Variants in RAB3C observed in about 807,000 individuals in gnomAD.
RAB3C encodes the protein RAB3C, member RAS oncogene family, also known as ras-related protein Rab-3C.
In RAB3C, 17 loss-of-function variants were observed where a neutral mutation model predicts 26.4. The ratio of observed to expected loss-of-function variants is 0.64; its 90% CI spans 0.44 to 0.97. The LOEUF (loss-of-function observed/expected upper bound fraction) is 0.97. Ranked by LOEUF, RAB3C falls within the 50% of genes least tolerant of loss-of-function variation. The pLI is 0.00. For synonymous variants in RAB3C, 91 were observed against 95.9 expected (o/e 0.95, Z 0.30); for missense variants, 242 against 281.9 (o/e 0.86, Z 1.01).
intron 2 of RAB3C, among the ~76,000 whole-genome samples, chr5:58,697,450 AGAGCT>A (rs967919751): frequency 6.6e-6 from 1 of 152,184 alleles, no homozygotes; most frequent in African/African-American, 2.4e-5. Context: ...TGCTCGTTGC[AGAGCT>A]GAGTTCAGGT....
intron 2 of RAB3C, among the ~76,000 whole-genome samples, chr5:58,695,156 C>T (rs536295057): frequency 1.3e-5 from 2 of 152,230 alleles, no homozygotes; most frequent in East Asian, 3.9e-4. Flanking sequence ...TATGGCTAGC[C>T]AGTTTTCCCA....
chr5:58,743,787 T>G (rs1390682701), intron 3 of RAB3C, among the ~76,000 whole-genome samples: 1 of 152,188 alleles, frequency 6.6e-6, no homozygotes, highest in Non-Finnish European at 1.5e-5. Context: ...CAATGTGAGG[T>G]CACATTGAAA....
At chr5:58,814,006 G>T (rs975094250) in intron 3 of RAB3C, among the ~76,000 whole-genome samples, 7 of 152,234 alleles carry the variant, frequency 4.6e-5, no homozygotes, top group African/African-American at 1.7e-4. Context: ...TGCTGAACAG[G>T]GCCCCCAGTC....
intron 2 of RAB3C, among the ~76,000 whole-genome samples, chr5:58,640,752 G>A (rs1001404773): frequency 2.6e-5 from 4 of 152,198 alleles, no homozygotes; most frequent in Middle Eastern, 3.4e-3. Flanking sequence ...TGTCAGAGAA[G>A]GTGTCTTCTG....
intron 3 of RAB3C, among the ~76,000 whole-genome samples, chr5:58,809,893 C>T (rs1232569575): frequency 6.6e-6 from 1 of 152,224 alleles, no homozygotes; most frequent in Non-Finnish European, 1.5e-5. Flanking sequence ...TGTGCTAAGA[C>T]ATACTGCAAA....
intron 2 of RAB3C, among the ~76,000 whole-genome samples, chr5:58,712,242 A>T (rs1749076157): frequency 6.6e-6 from 1 of 152,028 alleles, no homozygotes; most frequent in Non-Finnish European, 1.5e-5. Context: ...TTGCCAGTTT[A>T]TGGGAAATAG....
In RAB3C at chr5:58,749,602, C is replaced by T. The variant is rs529252156; in HGVS notation, c.371+23482C>T. 1.5e-4 allele frequency among the ~76,000 whole-genome samples: 23 copies of T among 152,160 alleles called. No individual in the cohort carries two copies. In the South Asian group the frequency reaches 2.3e-3, roughly 15 times the overall value. ...CTTACAGGATAAATATGGGGTTTGTCAAAGGATATGAATAACTGTTTACAA... is the reference window on the plus strand; with the variant it reads ...CTTACAGGATAAATATGGGGTTTGTTAAAGGATATGAATAACTGTTTACAA... On this transcript the variant is annotated intron_variant, in intron 3 of 4. Coordinates refer to ENST00000282878, the MANE Select transcript of RAB3C (RefSeq NM_138453.4).
intron 2 of RAB3C, among the ~76,000 whole-genome samples, chr5:58,709,798 C>T (rs1749020795): frequency 6.6e-6 from 1 of 152,144 alleles, no homozygotes; most frequent in Non-Finnish European, 1.5e-5. Flanking sequence ...AAAAGAATTA[C>T]TTTAACAGCA....
chr5:58,764,321 G>A (rs1043082687), intron 3 of RAB3C, among the ~76,000 whole-genome samples: 8 of 152,106 alleles, frequency 5.3e-5, no homozygotes, highest in South Asian at 2.1e-4. Flanking sequence ...AATGCATGAC[G>A]ATGTACTCAG....
At chr5:58,773,799 T>G (rs1012834940) in intron 3 of RAB3C, among the ~76,000 whole-genome samples, 2 of 152,074 alleles carry the variant, frequency 1.3e-5, no homozygotes, top group Non-Finnish European at 1.5e-5. Context: ...TACAACATCC[T>G]CTTCTAGCAA....
intron 1 of RAB3C, among the ~76,000 whole-genome samples, chr5:58,617,053 G>C (rs556335814): frequency 1.3e-5 from 2 of 148,792 alleles, no homozygotes; most frequent in South Asian, 4.3e-4. Flanking sequence ...TTACTGTGAG[G>C]GATTAAATAA....
chr5:58,707,122 C>T (rs970209190), intron 2 of RAB3C, among the ~76,000 whole-genome samples: 6 of 152,050 alleles, frequency 3.9e-5, no homozygotes, highest in Admixed American at 6.6e-5. Context: ...ATTTCCATTT[C>T]TGGAAAAAAG....
At position 58,772,561 on chromosome 5, in the gene RAB3C, G is replaced by A. The variant is rs928251616; in HGVS notation, c.371+46441G>A. Among the ~76,000 whole-genome samples, 21 of 152,264 alleles carry A rather than the reference G, an allele frequency of 1.4e-4. No homozygotes were observed. The South Asian group carries it at 4.3e-3, about 32-fold the overall frequency. On this transcript the variant is annotated intron_variant, in intron 3 of 4. Transcript: ENST00000282878. ...AAGTCCCTGGAGAATGTTCTCCAAGGTTGAATAAATCTTTTCATTGTCATG... is the reference window on the plus strand; with the variant it reads ...AAGTCCCTGGAGAATGTTCTCCAAGATTGAATAAATCTTTTCATTGTCATG...
intron 3 of RAB3C, among the ~76,000 whole-genome samples, chr5:58,807,575 T>C (rs1742971179): frequency 6.6e-6 from 1 of 152,174 alleles, no homozygotes; most frequent in African/African-American, 2.4e-5. Flanking sequence ...GTCTTCCTGG[T>C]TTGCAGAGAA....
At position 58,859,077 on chromosome 5, in the gene RAB3C, CTCT is replaced by C. The variant is rs1430847334; in HGVS notation, c.*7731_*7733del. On this transcript the variant is annotated 3_prime_UTR_variant, in exon 5 of 5. Coordinates refer to ENST00000282878, the MANE Select transcript of RAB3C (RefSeq NM_138453.4). ...CCTTCTCAGTGACTGCACTGTGGAA[CTCT>C]TCTTAAGAAAATATTGAAAACAGCT... 2 of 152,200 alleles carry C rather than the reference CTCT, an allele frequency of 1.3e-5. No individual in the cohort carries two copies. Among genetic ancestry groups the C allele is most frequent in the East Asian group, 3.8e-4 (2 of 5,202 alleles). 9.4% of individuals were successfully genotyped at this position (152,200 alleles called of 1,614,324 possible).
At chr5:58,619,206 G>A (rs565121632) in intron 2 of RAB3C, among the ~76,000 whole-genome samples, 63 of 152,142 alleles carry the variant, frequency 4.1e-4, no homozygotes, top group African/African-American at 6.5e-4. Context: ...TATAAATCAC[G>A]TAAGAATTTG....
At chr5:58,693,916 T>G (rs1265186248) in intron 2 of RAB3C, among the ~76,000 whole-genome samples, 1 of 152,140 alleles carries the variant, frequency 6.6e-6, no homozygotes, top group Non-Finnish European at 1.5e-5. Flanking sequence ...CGTTCCCATC[T>G]GTTCAATTTT....
chr5:58,751,699 T>C (rs942399237), intron 3 of RAB3C, among the ~76,000 whole-genome samples: 8 of 152,264 alleles, frequency 5.3e-5, no homozygotes, highest in African/African-American at 1.9e-4. Context: ...CTAGTCATGT[T>C]AGTCATATTA....
At chr5:58,711,863 A>G (rs1749068424) in intron 2 of RAB3C, among the ~76,000 whole-genome samples, 1 of 152,140 alleles carries the variant, frequency 6.6e-6, no homozygotes, top group African/African-American at 2.4e-5. Flanking sequence ...TATAGTTTTA[A>G]AGATAGGGAG....
Sources: allele counts gnomAD v4.1 joint callset (sites outside exome capture counted in the v4.1 genomes callset), GRCh38; gene constraint gnomAD v4.1.1; transcripts MANE v1.5; gene names NCBI Gene and HGNC (gene_info 2026-07-23, HGNC 2026-07-21).